FHL5: variants seen among roughly 807,000 people sequenced by gnomAD.
The protein encoded by FHL5 is four and a half LIM domains 5.
A neutral mutation model predicts 32.0 loss-of-function variants in FHL5; 33 were observed. That is an observed-to-expected ratio of 1.03 (90% CI 0.78 to 1.38). The LOEUF (loss-of-function observed/expected upper bound fraction) is 1.38, where lower values mean the gene tolerates loss of function less well. Ranked by LOEUF, FHL5 falls within the 40% of genes most tolerant of loss-of-function variation. The pLI, the probability that FHL5 is intolerant of heterozygous loss-of-function variation, is 0.00. For missense variants in FHL5, 336 were observed against 343.9 expected, an observed-to-expected ratio of 0.98 and a Z score of 0.18; for synonymous variants, 114 against 113.6, an observed-to-expected ratio of 1.00 and a Z score of -0.02.
chr6:96,563,190 T>G lies in FHL5; in HGVS notation c.-178T>G, dbSNP rs1424465853. 1.3e-5 allele frequency: 2 copies of G among 152,200 alleles called. No individual in the cohort carries two copies. Among genetic ancestry groups the G allele is most frequent in the Non-Finnish European group, 1.5e-5 (1 of 68,046 alleles). 9.4% of individuals were successfully genotyped at this position (152,200 alleles called of 1,614,324 possible). A position where few individuals can be genotyped will look rare whatever the true frequency, so the allele number is the denominator to read the frequency against. On this transcript the variant is annotated 5_prime_UTR_variant, in exon 1 of 6. Transcript: ENST00000450218. Reference sequence around the variant, plus strand: ...ATGCAGGGACCCTTCTGTTTTCTCCTGCAAAGTTGAAAAAGCTGCATGCAG... The same window carrying G: ...ATGCAGGGACCCTTCTGTTTTCTCCGGCAAAGTTGAAAAAGCTGCATGCAG...
rs190605258 is a variant in FHL5 at position 96,613,260 on chromosome 6, T to A, written c.692-2349T>A. Among the ~76,000 whole-genome samples the A allele has an allele frequency of 2.3e-3, 357 of 152,318 alleles. 1 individual carries two copies. The highest frequency in any genetic ancestry group is 5.6e-3 in the African/African-American group (232 of 41,578). ...AATTAAGATTAATCAATTATTTTTT[T>A]AAAAAGCTCTGAGAAATCTACCCAT... On this transcript the variant is annotated intron_variant, in intron 5 of 5. Coordinates refer to ENST00000450218, the MANE Select transcript of FHL5 (RefSeq NM_001322466.2).
rs1771553924 is a variant in FHL5, at chr6:96,617,822, T to C, written c.*2050T>C. Among the ~76,000 whole-genome samples, 1 of 152,232 alleles carries C rather than the reference T, an allele frequency of 6.6e-6. No homozygotes were observed. On this transcript the variant is annotated 3_prime_UTR_variant, in exon 6 of 6. Coordinates refer to ENST00000450218, the MANE Select transcript of FHL5 (RefSeq NM_001322466.2). Reference sequence around the variant, plus strand: ...CATGATCAGACTTGTATTCTAGCTTTACAATTAAAATTCACAGAATCATTT... The same window carrying C: ...CATGATCAGACTTGTATTCTAGCTTCACAATTAAAATTCACAGAATCATTT...
At chr6:96,594,672 T>C (rs1770998644) in intron 1 of FHL5, among the ~76,000 whole-genome samples, 1 of 151,980 alleles carries the variant, frequency 6.6e-6, no homozygotes, top group African/African-American at 2.4e-5. Context: ...TTGGTTTGAT[T>C]TGGGTTTAAA....
intron 1 of FHL5, among the ~76,000 whole-genome samples, chr6:96,571,306 G>A (rs567097416): frequency 6.6e-6 from 1 of 152,324 alleles, no homozygotes; most frequent in Non-Finnish European, 1.5e-5. Flanking sequence ...CCTACGCTTA[G>A]AGGTTTGTGG....
chr6:96,616,931 ACACC>A lies in FHL5; in HGVS notation c.*1161_*1164del. Among the ~76,000 whole-genome samples, 1 of 42,240 alleles carries A rather than the reference ACACC, an allele frequency of 2.4e-5. No homozygotes were observed. The highest frequency in any genetic ancestry group is 4.7e-4 in the East Asian group (1 of 2,134). The allele number at this position is 42,240 out of a possible 152,430, so 27.7% of individuals were successfully genotyped here. ...CCCACTCTTCCCCCACACCTGTGCC[ACACC>A]CCCCTTACCCCAAGCCAGTTGTGCC... On this transcript the variant is annotated 3_prime_UTR_variant, in exon 6 of 6. Transcript: ENST00000450218.
At chr6:96,578,545 T>C (rs372786189) in intron 1 of FHL5, among the ~76,000 whole-genome samples, 23 of 152,218 alleles carry the variant, frequency 1.5e-4, no homozygotes, top group East Asian at 1.4e-3. Context: ...AAGAAGCTTG[T>C]TAAAATTGAT....
rs146602697 is a variant in FHL5 at position 96,605,946 on chromosome 6, T to C, written c.379T>C (p.Cys127Arg). Residue 127 changes from cysteine (C) to arginine (R), a missense_variant, in exon 4 of 6, where the codon TGT becomes CGT. Coordinates refer to ENST00000450218, the MANE Select transcript of FHL5 (RefSeq NM_001322466.2). ...TAAGGGAAACTACTGGCATGAAACC[T>C]GTTTTGTGTGTGAGAATTGCCGACA... The part of the protein sequence containing the change: ...EFKGNYWHET[C>R]FVCENCRQPI... 4 of 1,614,014 alleles carry C rather than the reference T, an allele frequency of 2.5e-6. No homozygotes were observed. In the African/African-American group the frequency reaches 4.0e-5, roughly 16 times the overall value.
intron 1 of FHL5, among the ~76,000 whole-genome samples, chr6:96,591,789 A>G (rs2971609): frequency 0.26 from 39,643 of 151,952 alleles, 5,632 homozygotes; most frequent in African/African-American, 0.37. Context: ...AGTGTCAGCC[A>G]GTTTGAGAAA....
At chr6:96,595,494 A>T (rs1771017651) in intron 1 of FHL5, among the ~76,000 whole-genome samples, 1 of 151,808 alleles carries the variant, frequency 6.6e-6, no homozygotes, top group Non-Finnish European at 1.5e-5. Context: ...AATTCTTGGA[A>T]ATTCAATTCT....
chr6:96,610,519 A>G, intron 4 of FHL5, 53 bp from the exon 5 acceptor site: 5 of 1,312,898 alleles, frequency 3.8e-6, no homozygotes, highest in Middle Eastern at 2.3e-4. Flanking sequence ...TCATGAAATG[A>G]TCTGAATTGT....
rs151249093 is a variant in FHL5 at position 96,596,001 on chromosome 6, T to C, written c.-12-7601T>C. ...ATTTTAATTGTGAATTCATGCTCAA[T>C]GAAAATTTATATGTATGATTTTTTT... On this transcript the variant is annotated intron_variant, in intron 1 of 5. Transcript: ENST00000450218. 3.1e-3 allele frequency among the ~76,000 whole-genome samples: 465 copies of C among 152,212 alleles called. 5 individuals carry two copies. Among genetic ancestry groups the C allele is most frequent in the Non-Finnish European group, 4.5e-3 (306 of 67,942 alleles).
intron 1 of FHL5, among the ~76,000 whole-genome samples, chr6:96,596,795 G>C (rs537363267): frequency 6.6e-6 from 1 of 151,908 alleles, no homozygotes; most frequent in Non-Finnish European, 1.5e-5. Flanking sequence ...TGGCTATCTA[G>C]TTTAGTTCCT....
At position 96,603,816 on chromosome 6, in the gene FHL5, A is replaced by G. The variant is rs763296754; in HGVS notation, c.159+44A>G. ...TACAGAATTACTGCCTATGAACAGC[A>G]AACAAGTGGGTTGGAGTGCCTCTTT... On this transcript the variant is annotated intron_variant, in intron 2 of 5. Coordinates refer to ENST00000450218, the MANE Select transcript of FHL5 (RefSeq NM_001322466.2). 2.6e-6 allele frequency: 4 copies of G among 1,525,206 alleles called. No homozygotes were observed. The Admixed American group carries it at 7.3e-5, about 28-fold the overall frequency. 94.5% of individuals were successfully genotyped at this position (1,525,206 alleles called of 1,614,324 possible).
chr6:96,605,391 T>G (rs923055167), intron 3 of FHL5, among the ~76,000 whole-genome samples: 40 of 152,232 alleles, frequency 2.6e-4, no homozygotes, highest in Non-Finnish European at 1.5e-5. Flanking sequence ...TGGCAAGGAC[T>G]AATTCTTTAT....
intron 1 of FHL5, among the ~76,000 whole-genome samples, chr6:96,584,512 G>A (rs147386654): frequency 6.6e-6 from 1 of 151,190 alleles, no homozygotes; most frequent in Non-Finnish European, 1.5e-5. Context: ...GTGGGGAAAG[G>A]GCTGGAGATA....
At chr6:96,565,472 C>T (rs1189282372) in intron 1 of FHL5, among the ~76,000 whole-genome samples, 1 of 151,892 alleles carries the variant, frequency 6.6e-6, no homozygotes, top group Non-Finnish European at 1.5e-5. Flanking sequence ...TATTTTTTGT[C>T]TTCTCAAATT....
At chr6:96,592,241 A>C (rs890694821) in intron 1 of FHL5, among the ~76,000 whole-genome samples, 5 of 152,116 alleles carry the variant, frequency 3.3e-5, no homozygotes, top group African/African-American at 1.2e-4. Flanking sequence ...GCCACACCCA[A>C]GGGGGCCATT....
At chr6:96,615,143 G>A (rs569988109) in intron 5 of FHL5, among the ~76,000 whole-genome samples, 10 of 152,206 alleles carry the variant, frequency 6.6e-5, no homozygotes, top group Admixed American at 3.9e-4. Flanking sequence ...TTACAACATT[G>A]GACATCAAAC....
chr6:96,576,457 T>C (rs1262261881), intron 1 of FHL5, among the ~76,000 whole-genome samples: 1 of 152,020 alleles, frequency 6.6e-6, no homozygotes, highest in Non-Finnish European at 1.5e-5. Flanking sequence ...TGCAGAAGAG[T>C]GACGGAGTGA....
Sources: gnomAD v4.1 joint callset for allele counts (sites outside exome capture counted in the v4.1 genomes callset) on GRCh38, gnomAD v4.1.1 for gene constraint, MANE v1.5 for transcripts, NCBI Gene and HGNC (gene_info 2026-07-23, HGNC 2026-07-21) for gene names.